Variants in KLF5 observed in about 807,000 individuals in gnomAD.
The protein encoded by KLF5 is Krueppel-like factor 5.
In KLF5, 9 loss-of-function variants were observed where a neutral mutation model predicts 36.9. The observed-to-expected ratio is 0.24, with a 90% CI of 0.15 to 0.43. The LOEUF (loss-of-function observed/expected upper bound fraction) is 0.43. Ranked by LOEUF, KLF5 falls within the 20% of genes least tolerant of loss-of-function variation. The probability of loss-of-function intolerance (pLI) is 1.00; values close to 1 mark genes in which losing one functional copy is unlikely to be tolerated. For synonymous variants in KLF5, 246 were observed against 241.7 expected (o/e 1.02, Z -0.17); for missense variants, 524 against 599.5 (o/e 0.87, Z 1.31).
At chr13:73,056,646 GA>G (rs1423548056), upstream of KLF5, among the ~76,000 whole-genome samples, 2 of 152,188 alleles carry the variant, frequency 1.3e-5, no homozygotes, top group South Asian at 2.1e-4. Context: ...AAATGTCTCC[GA>G]AAAGGATTAC....
rs58374631 is a variant in KLF5 at position 73,072,303 on chromosome 13, G to A, written c.1196-3405G>A. Among the ~76,000 whole-genome samples, 584 of 152,260 alleles carry A rather than the reference G, an allele frequency of 3.8e-3. 3 individuals are homozygous for A. The highest frequency in any genetic ancestry group is 0.013 in the African/African-American group (553 of 41,558). Reference sequence around the variant, plus strand: ...TACAAACATGTTCCACTAACCCACTGAAATTCACTTACCCTGGGGGAAAGG... The same window carrying A: ...TACAAACATGTTCCACTAACCCACTAAAATTCACTTACCCTGGGGGAAAGG... On this transcript the variant is annotated intron_variant, in intron 3 of 3. Transcript: ENST00000377687.
chr13:73,059,314 GC>G lies in KLF5; in HGVS notation c.-9del, dbSNP rs1417070236. ...GCGCCCGACCCGCGCCTGGAGCTGCGCCCCCGAGTGCCCATGGCTACAAGGG... is the reference window on the plus strand; with the variant it reads ...GCGCCCGACCCGCGCCTGGAGCTGCGCCCCGAGTGCCCATGGCTACAAGGG... On this transcript the variant is annotated 5_prime_UTR_variant, in exon 1 of 4. Transcript: ENST00000377687. The G allele has an allele frequency of 2.9e-6, 4 of 1,361,668 alleles. No individual in the cohort carries two copies. Among genetic ancestry groups the G allele is most frequent in the Admixed American group, 3.4e-5 (1 of 29,250 alleles). The allele number at this position is 1,361,668 out of a possible 1,614,324, so 84.3% of individuals were successfully genotyped here. A position where few individuals can be genotyped will look rare whatever the true frequency, so the allele number is the denominator to read the frequency against.
chr13:73,063,863 C>T lies in KLF5; in HGVS notation c.1175C>T (p.Ala392Val). The T allele has an allele frequency of 6.2e-7, 1 of 1,607,128 alleles. No individual in the cohort carries two copies. Among genetic ancestry groups the T allele is most frequent in the Non-Finnish European group, 8.5e-7 (1 of 1,173,844 alleles). Residue 392 changes from alanine to valine, a missense_variant, in exon 3 of 4, where the codon GCT becomes GTT. Ala to Val is a moderately conservative substitution (Grantham distance 64). This residue lies in a region of KLF5 where 46 missense variants were observed against 105.8 expected (regional missense o/e 0.43). Coordinates refer to ENST00000377687, the MANE Select transcript of KLF5 (RefSeq NM_001730.5). Reference protein sequence around the residue: ...KVYTKSSHLKAHLRTHTGEKP... With the variant: ...KVYTKSSHLKVHLRTHTGEKP... The stretch of plus-strand genomic sequence containing the variant: ...TATACCAAGTCTTCTCATTTAAAAG[C>T]TCACCTGAGGACTCACACTGGTATG...
At chr13:73,055,114 A>G (rs1039565769), upstream of KLF5, 2 of 152,172 alleles carry the variant, frequency 1.3e-5, no homozygotes, top group African/African-American at 4.8e-5. Flanking sequence ...TTGTCTACTT[A>G]TTATACTAAC....
At position 73,062,345 on chromosome 13, in the gene KLF5, T is replaced by G. The variant is rs2044643308; in HGVS notation, c.746T>G (p.Met249Arg). The G allele has an allele frequency of 2.5e-6, 4 of 1,614,064 alleles. No individual in the cohort carries two copies. The highest frequency in any genetic ancestry group is 3.3e-5 in the Admixed American group (2 of 59,996). Reference protein sequence around the residue: ...MPSSTNQTAAMDTLNVSMSAA... With the variant: ...MPSSTNQTAARDTLNVSMSAA... Reference sequence around the variant, plus strand: ...AGTTCTACAAATCAGACAGCAGCAATGGACACTCTTAATGTTTCTATGTCA... The same window carrying G: ...AGTTCTACAAATCAGACAGCAGCAAGGGACACTCTTAATGTTTCTATGTCA... The change falls in exon 2 of 4, where the codon ATG (methionine) becomes AGG (arginine). Residue 249 changes from methionine to arginine, a missense_variant. By Grantham distance (91) the Met-to-Arg change is moderately conservative. Transcript: ENST00000377687.
At chr13:73,055,027 A>T, upstream of KLF5, 1 of 152,200 alleles carries the variant, frequency 6.6e-6, no homozygotes, top group East Asian at 1.9e-4. Context: ...TCGAGTCAGA[A>T]TTTAAATACT....
chr13:73,073,137 T>G (rs954162015), intron 3 of KLF5, among the ~76,000 whole-genome samples: 1 of 152,206 alleles, frequency 6.6e-6, no homozygotes, highest in Non-Finnish European at 1.5e-5. Flanking sequence ...GAAGTCAGTT[T>G]GGTTTCCCAG....
chr13:73,061,297 T>C (rs1336623971), intron 1 of KLF5, among the ~76,000 whole-genome samples: 1 of 152,212 alleles, frequency 6.6e-6, no homozygotes, highest in Non-Finnish European at 1.5e-5. Flanking sequence ...AATTTCTCAT[T>C]GAACTGTAAA....
At position 73,062,485 on chromosome 13, in the gene KLF5, C is replaced by G. The variant is rs1466094241; in HGVS notation, c.886C>G (p.Gln296Glu). Residue 296 changes from glutamine (Q) to glutamate (E), a missense_variant, in exon 2 of 4, where the codon CAG (glutamine) becomes GAG (glutamate). By Grantham distance (29) the Gln-to-Glu change is conservative. Transcript: ENST00000377687. ...YTMPSQFLPQ[Q>E]ATYFPPSPPS... Reference sequence around the variant, plus strand: ...AATGCCAAGTCAGTTTCTTCCACAACAGGCCACTTACTTTCCCCCGTCACC... The same window carrying G: ...AATGCCAAGTCAGTTTCTTCCACAAGAGGCCACTTACTTTCCCCCGTCACC... 6.2e-7 allele frequency: 1 copy of G among 1,614,212 alleles called. No individual in the cohort carries two copies. Among genetic ancestry groups the G allele is most frequent in the Non-Finnish European group, 8.5e-7 (1 of 1,180,042 alleles).
chr13:73,065,864 C>G (rs2044675533), intron 3 of KLF5, among the ~76,000 whole-genome samples: 1 of 152,210 alleles, frequency 6.6e-6, no homozygotes. Context: ...ATCTGAATAG[C>G]CTTTCACCCC....
At chr13:73,075,063 GGT>G (rs1409711186) in intron 3 of KLF5, 1 of 152,110 alleles carries the variant, frequency 6.6e-6, no homozygotes, top group East Asian at 1.9e-4. Flanking sequence ...GCAAAAGGAA[GGT>G]GTGTGAAGGT....
chr13:73,065,430 C>G (rs1315550035), intron 3 of KLF5, among the ~76,000 whole-genome samples: 2 of 152,244 alleles, frequency 1.3e-5, no homozygotes, highest in East Asian at 3.9e-4. Flanking sequence ...TGAGAAACTG[C>G]TTTTAAGGAG....
intron 2 of KLF5, 150 bp downstream of exon 2, chr13:73,062,884 A>T (rs2044650306): frequency 8.2e-6 from 5 of 610,310 alleles, no homozygotes; most frequent in South Asian, 2.6e-5. Flanking sequence ...TAAAAAAAAA[A>T]AAAATTACCT....
rs1360827787 is a variant in KLF5, at chr13:73,077,392, CT to C, written c.*1511del. 2 of 152,580 alleles carry C rather than the reference CT, an allele frequency of 1.3e-5. No homozygotes were observed. The highest frequency in any genetic ancestry group is 2.9e-5 in the Non-Finnish European group (2 of 68,010). 9.5% of individuals were successfully genotyped at this position (152,580 alleles called of 1,614,324 possible). A position where few individuals can be genotyped will look rare whatever the true frequency, so the allele number is the denominator to read the frequency against. On this transcript the variant is annotated 3_prime_UTR_variant, in exon 4 of 4. Transcript: ENST00000377687. ...GCAGAAATCGGTTGCTGTTTTGCTT[CT>C]TTTTCCCTCTTATTTTTGTATTGTG...
Position 73,062,283 on chromosome 13 carries a change from G to A in KLF5, c.684G>A (p.Leu228=). 1 of 1,613,956 alleles carries A rather than the reference G, an allele frequency of 6.2e-7. No homozygotes were observed. The highest frequency in any genetic ancestry group is 8.5e-7 in the Non-Finnish European group (1 of 1,179,968). The change falls in exon 2 of 4, where the codon CTG becomes CTA. Residue 228 remains leucine (L), a synonymous_variant. Transcript: ENST00000377687. ...CTGTCCCTACCCAGCAGGGCCACCTGTACCAGCTACTGAATACACCGGATC... is the reference window on the plus strand; with the variant it reads ...CTGTCCCTACCCAGCAGGGCCACCTATACCAGCTACTGAATACACCGGATC... ...HLSVPTQQGH[L]YQLLNTPDLD... is the part of the protein sequence containing the mutation.
At chr13:73,063,094 T>C (rs1195751778) in intron 2 of KLF5, among the ~76,000 whole-genome samples, 1 of 152,150 alleles carries the variant, frequency 6.6e-6, no homozygotes, top group African/African-American at 2.4e-5. Context: ...TACTTTAAAA[T>C]GGCAATTGAA....
chr13:73,057,925 T>C (rs2044594565), upstream of KLF5, among the ~76,000 whole-genome samples: 1 of 152,222 alleles, frequency 6.6e-6, no homozygotes, highest in South Asian at 2.1e-4. Context: ...TATAACAACA[T>C]AGTAAATGGA....
intron 3 of KLF5, among the ~76,000 whole-genome samples, chr13:73,068,177 C>G (rs1040495249): frequency 1.3e-5 from 2 of 152,118 alleles, no homozygotes. Context: ...GTTCAAGATT[C>G]CCTGTTTAGG....
chr13:73,068,658 C>G (rs1179216251), intron 3 of KLF5, among the ~76,000 whole-genome samples: 3 of 140,252 alleles, frequency 2.1e-5, no homozygotes, highest in African/African-American at 8.0e-5. Flanking sequence ...GAGCTGAGAT[C>G]GTGCCACTGC....
Sources: gnomAD v4.1 joint callset for allele counts (sites outside exome capture counted in the v4.1 genomes callset) on GRCh38, gnomAD v4.1.1 for gene constraint, gnomAD v4.1.1 regional missense constraint, MANE v1.5 for transcripts, NCBI Gene and HGNC (gene_info 2026-07-23, HGNC 2026-07-21) for gene names.